Variants in CRYBG3 observed in about 807,000 individuals in gnomAD.
CRYBG3 encodes the protein crystallin beta-gamma domain containing 3, also known as very large A-kinase anchor protein.
Under a neutral mutation model 244.2 loss-of-function variants are expected in CRYBG3, and 127 were observed. The ratio of observed to expected loss-of-function variants is 0.52; its 90% confidence interval spans 0.45 to 0.60. The LOEUF is 0.60. Ranked by LOEUF, CRYBG3 falls within the 20% of genes least tolerant of loss-of-function variation. The pLI is 0.00. For synonymous variants in CRYBG3, 1,132 were observed against 1,195.8 expected (o/e 0.95, Z 1.10); for missense variants, 3,325 against 3,442.5 (o/e 0.97, Z 0.85).
intron 10 of CRYBG3, among the ~76,000 whole-genome samples, chr3:97,890,454 T>C (rs561984371): frequency 1.3e-5 from 2 of 152,286 alleles, no homozygotes; most frequent in Admixed American, 1.3e-4. Flanking sequence ...TTTGACAGGT[T>C]GTAGGTGTAT....
chr3:97,908,939 C>A (rs1442888378), intron 15 of CRYBG3, among the ~76,000 whole-genome samples: 2 of 151,888 alleles, frequency 1.3e-5, no homozygotes, highest in Non-Finnish European at 2.9e-5. Flanking sequence ...TTAGGGCAGG[C>A]CTGGTGGTGA....
chr3:97,902,075 A>G (rs2039712143), intron 15 of CRYBG3, among the ~76,000 whole-genome samples: 1 of 152,206 alleles, frequency 6.6e-6, no homozygotes, highest in South Asian at 2.1e-4. Flanking sequence ...ATCTTGGCTG[A>G]CACGCTGGTT....
rs1218611715 is a variant in CRYBG3, at chr3:97,874,593, T to C, written c.3399T>C (p.Thr1133=). ...TTCAGGAACATTTTGGGATTTATACTGGGAAGATATCCATTGATTTCCCAA... is the reference window on the plus strand; with the variant it reads ...TTCAGGAACATTTTGGGATTTATACCGGGAAGATATCCATTGATTTCCCAA... The part of the protein sequence containing the change: ...TPFQEHFGIY[T]GKISIDFPTA... The change falls in exon 4 of 22, where the codon ACT becomes ACC. Residue 1133 remains threonine (T), a synonymous_variant. Coordinates refer to ENST00000389622, the MANE Select transcript of CRYBG3 (RefSeq NM_153605.4). 2.0e-6 allele frequency: 3 copies of C among 1,535,974 alleles called. No individual in the cohort carries two copies. The East Asian group carries it at 7.3e-5, about 38-fold the overall frequency.
chr3:97,830,987 A>G (rs992264902), intron 1 of CRYBG3, among the ~76,000 whole-genome samples: 3 of 152,176 alleles, frequency 2.0e-5, no homozygotes, highest in East Asian at 1.9e-4. Flanking sequence ...GCCAAATGTT[A>G]TAATTTGGGG....
chr3:97,870,735 T>C (rs1399770238), intron 3 of CRYBG3, among the ~76,000 whole-genome samples: 1 of 152,198 alleles, frequency 6.6e-6, no homozygotes, highest in African/African-American at 2.4e-5. Flanking sequence ...ATCATTCCTT[T>C]ACTTATTCAT....
At chr3:97,847,943 A>G (rs1433605111) in intron 2 of CRYBG3, among the ~76,000 whole-genome samples, 1 of 152,228 alleles carries the variant, frequency 6.6e-6, no homozygotes, top group African/African-American at 2.4e-5. Flanking sequence ...CACTTATTAC[A>G]AAGAACCGCA....
chr3:97,854,346 C>G (rs2039034736), intron 2 of CRYBG3, among the ~76,000 whole-genome samples: 1 of 151,742 alleles, frequency 6.6e-6, no homozygotes, highest in Non-Finnish European at 1.5e-5. Flanking sequence ...CTTTTTTGTT[C>G]CATATGAATT....
chr3:97,888,769 T>C (rs1354534362), intron 9 of CRYBG3, among the ~76,000 whole-genome samples: 1 of 152,142 alleles, frequency 6.6e-6, no homozygotes, highest in Non-Finnish European at 1.5e-5. Flanking sequence ...GGAGTAGCAC[T>C]TGAAACAAAA....
intron 1 of CRYBG3, among the ~76,000 whole-genome samples, chr3:97,829,915 CTT>C (rs1171905411): frequency 2.6e-5 from 4 of 152,072 alleles, no homozygotes; most frequent in Non-Finnish European, 5.9e-5. Context: ...TCAGAGGAAA[CTT>C]TAATTTTTTT....
rs755132591 is a variant in CRYBG3, at chr3:97,943,350, G to A, written c.*36G>A. 8.3e-7 allele frequency: 1 copy of A among 1,209,536 alleles called. No individual in the cohort carries two copies. 74.9% of individuals were successfully genotyped at this position (1,209,536 alleles called of 1,614,324 possible). ...ATCCCTAGAAAGATCCCTAGAAAGA[G>A]CAAAGAAGGAAACACATCTGTCATT... On this transcript the variant is annotated 3_prime_UTR_variant, in exon 22 of 22. Coordinates refer to ENST00000389622, the MANE Select transcript of CRYBG3 (RefSeq NM_153605.4).
intron 17 of CRYBG3, among the ~76,000 whole-genome samples, chr3:97,918,578 C>T (rs924072410): frequency 6.6e-6 from 1 of 152,132 alleles, no homozygotes; most frequent in African/African-American, 2.4e-5. Context: ...ATTTATCTGG[C>T]TTTAGGATTC....
At position 97,900,609 on chromosome 3, in the gene CRYBG3, A is replaced by T. The variant is rs544062858; in HGVS notation, c.8004+124A>T. 41 of 644,006 alleles carry T rather than the reference A, an allele frequency of 6.4e-5. 1 individual carries two copies. Among genetic ancestry groups the T allele is most frequent in the Admixed American group, 1.7e-4 (6 of 35,834 alleles). The allele number at this position is 644,006 out of a possible 1,614,324, so 39.9% of individuals were successfully genotyped here. A position where few individuals can be genotyped will look rare whatever the true frequency, so the allele number is the denominator to read the frequency against. Reference sequence around the variant, plus strand: ...TGTCTCTCTGGCAGAGCAGATTACAATTGCATTTGGTACCTATGAGCAGAA... The same window carrying T: ...TGTCTCTCTGGCAGAGCAGATTACATTTGCATTTGGTACCTATGAGCAGAA... On this transcript the variant is annotated intron_variant, in intron 15 of 21. Transcript: ENST00000389622.
chr3:97,849,666 C>T (rs1045505990), intron 2 of CRYBG3, among the ~76,000 whole-genome samples: 1 of 152,000 alleles, frequency 6.6e-6, no homozygotes, highest in African/African-American at 2.4e-5. Context: ...TCCTACATTG[C>T]GGTATGATGG....
intron 1 of CRYBG3, among the ~76,000 whole-genome samples, chr3:97,828,332 A>G (rs1458219921): frequency 1.3e-5 from 2 of 152,168 alleles, no homozygotes; most frequent in Non-Finnish European, 2.9e-5. Context: ...AAACAGGCCA[A>G]AAGTTGCCTA....
In CRYBG3 at chr3:97,868,304, T is replaced by C. The variant is rs570395685; in HGVS notation, c.648-3538T>C. ...ATCTCAAAAAAAAAAAAAAAAATAT[T>C]ATTGAATTGTGTGGACTCAACTATA... On this transcript the variant is annotated intron_variant, in intron 3 of 21. Coordinates refer to ENST00000389622, the MANE Select transcript of CRYBG3 (RefSeq NM_153605.4). Among the ~76,000 whole-genome samples, 9 of 151,374 alleles carry C rather than the reference T, an allele frequency of 5.9e-5. 1 individual carries two copies. Among genetic ancestry groups the C allele is most frequent in the African/African-American group, 2.2e-4 (9 of 41,300 alleles).
chr3:97,887,480 G>C (rs2039522559), intron 8 of CRYBG3, among the ~76,000 whole-genome samples: 1 of 152,174 alleles, frequency 6.6e-6, no homozygotes, highest in Non-Finnish European at 1.5e-5. Context: ...GGCCATGTGT[G>C]GTGGCTCACG....
chr3:97,924,320 C>T (rs1318745811), intron 17 of CRYBG3: 1 of 395,292 alleles, frequency 2.5e-6, no homozygotes, highest in East Asian at 8.2e-5. Flanking sequence ...GCAAACTTTA[C>T]AACTTAGAAG....
chr3:97,942,403 C>A lies in CRYBG3; in HGVS notation c.8784C>A (p.Ile2928=). ...QKWRLNKNGT[I]SSYLSDQLVL... is the part of the protein sequence containing the mutation. ...GGAGACTGAATAAAAATGGAACTAT[C>A]AGCTCTTATCTCAGTGATCAACTTG... Residue 2928 remains isoleucine (I), a synonymous_variant, in exon 21 of 22, where the codon ATC becomes ATA. Coordinates refer to ENST00000389622, the MANE Select transcript of CRYBG3 (RefSeq NM_153605.4). The A allele has an allele frequency of 1.2e-6, 2 of 1,611,594 alleles. No individual in the cohort carries two copies. Among genetic ancestry groups the A allele is most frequent in the Non-Finnish European group, 1.7e-6 (2 of 1,178,352 alleles).
chr3:97,895,704 C>T (rs2039632212), intron 11 of CRYBG3, among the ~76,000 whole-genome samples: 1 of 152,190 alleles, frequency 6.6e-6, no homozygotes. Flanking sequence ...CAAGTCACAC[C>T]ACAAACATTT....
Sources: allele counts gnomAD v4.1 joint callset (sites outside exome capture counted in the v4.1 genomes callset), GRCh38; gene constraint gnomAD v4.1.1; transcripts MANE v1.5; gene names NCBI Gene and HGNC (gene_info 2026-07-23, HGNC 2026-07-21).